Variants in TOGARAM1 observed in about 807,000 individuals in gnomAD.
The protein encoded by TOGARAM1 is TOG array regulator of axonemal microtubules 1.
In TOGARAM1, 100 loss-of-function variants were observed where a neutral mutation model predicts 166.6. The ratio of observed to expected loss-of-function variants is 0.60; its 90% CI spans 0.51 to 0.71. The LOEUF is 0.71. Ranked by LOEUF, TOGARAM1 falls within the 30% of genes least tolerant of loss-of-function variation. The probability of loss-of-function intolerance (pLI) is 0.00; values close to 1 mark genes in which losing one functional copy is unlikely to be tolerated. For missense variants in TOGARAM1, 2,029 were observed against 2,102.7 expected, an observed-to-expected ratio of 0.96 and a Z score of 0.69; for synonymous variants, 758 against 763.8, an observed-to-expected ratio of 0.99 and a Z score of 0.13.
intron 1 of TOGARAM1, among the ~76,000 whole-genome samples, chr14:44,991,890 T>C (rs1353995308): frequency 6.6e-6 from 1 of 151,660 alleles, no homozygotes; most frequent in East Asian, 1.9e-4. Flanking sequence ...ATTTTTCTTT[T>C]GATAACTTTG....
At chr14:45,032,448 T>G (rs1050258415) in intron 11 of TOGARAM1, 72 bp downstream of exon 11, 1 of 1,338,728 alleles carries the variant, frequency 7.5e-7, no homozygotes, top group Admixed American at 2.5e-5. Flanking sequence ...ATTAAAAATC[T>G]TGAAACACAT....
At chr14:44,979,293 G>T (rs1237866235) in intron 1 of TOGARAM1, among the ~76,000 whole-genome samples, 1 of 152,112 alleles carries the variant, frequency 6.6e-6, no homozygotes, top group African/African-American at 2.4e-5. Context: ...CAGTTCTGGG[G>T]ACTGGGAAAT....
chr14:45,056,292 T>C lies in TOGARAM1; in HGVS notation c.4559+1743T>C, dbSNP rs568017086. Among the ~76,000 whole-genome samples, 3 of 152,286 alleles carry C rather than the reference T, an allele frequency of 2.0e-5. No individual in the cohort carries two copies. In the East Asian group the frequency reaches 5.8e-4, roughly 29 times the overall value. On this transcript the variant is annotated intron_variant, in intron 16 of 19. Transcript: ENST00000361462. ...GTCTTTTGGTGGAGTCTTTGGGGTT[T>C]TCTAGATATAAGATCATATCATCAG...
chr14:45,045,581 ATATG>A (rs1285382718), intron 13 of TOGARAM1, among the ~76,000 whole-genome samples: 223 of 33,088 alleles, frequency 6.7e-3, no homozygotes, highest in African/African-American at 0.016. Context: ...ATATATATAT[ATATG>A]TGTGTGTGTG....
intron 7 of TOGARAM1, among the ~76,000 whole-genome samples, chr14:45,024,642 G>A (rs981455164): frequency 6.6e-5 from 10 of 152,082 alleles, no homozygotes; most frequent in Non-Finnish European, 1.3e-4. Flanking sequence ...CATTTACTGA[G>A]ATTTTTTTCT....
Position 45,066,565 on chromosome 14 carries a change from T to C in TOGARAM1, c.4560-13T>C. Reference sequence around the variant, plus strand: ...GTACAAATGAAATTACCTTCACCTTTCTTTCACTTTAGAGCTGTAACTGAA... The same window carrying C: ...GTACAAATGAAATTACCTTCACCTTCCTTTCACTTTAGAGCTGTAACTGAA... On this transcript the variant is annotated splice_polypyrimidine_tract_variant and intron_variant, in intron 16 of 19. Transcript: ENST00000361462. 1 of 1,575,760 alleles carries C rather than the reference T, an allele frequency of 6.3e-7. No individual in the cohort carries two copies. The highest frequency in any genetic ancestry group is 1.2e-5 in the South Asian group (1 of 86,950).
intron 16 of TOGARAM1, among the ~76,000 whole-genome samples, chr14:45,064,106 A>G (rs1345490305): frequency 6.6e-6 from 1 of 152,070 alleles, no homozygotes; most frequent in African/African-American, 2.4e-5. Flanking sequence ...GTTGTGGGCC[A>G]TAAATCCCTA....
At chr14:44,999,980 A>T (rs1276978931) in intron 3 of TOGARAM1, among the ~76,000 whole-genome samples, 1 of 151,848 alleles carries the variant, frequency 6.6e-6, no homozygotes, top group African/African-American at 2.4e-5. Context: ...ACTCCTTCTT[A>T]TTTTATTTTA....
intron 11 of TOGARAM1, among the ~76,000 whole-genome samples, chr14:45,035,049 A>G (rs1275910258): frequency 1.3e-5 from 2 of 152,250 alleles, no homozygotes; most frequent in Admixed American, 1.3e-4. Context: ...GATGAAAGCT[A>G]TAATGTCTGA....
At position 45,045,535 on chromosome 14, in the gene TOGARAM1, C is replaced by CTGTG. The variant is rs369196409; in HGVS notation, c.4154+671_4154+674dup. On this transcript the variant is annotated intron_variant, in intron 13 of 19. Transcript: ENST00000361462. Reference sequence around the variant, plus strand: ...TAATGGCAGAGTAGTATTCCATGGTCTGTGTGTGTATATATATATATATAT... The same window carrying CTGTG: ...TAATGGCAGAGTAGTATTCCATGGTCTGTGTGTGTGTGTATATATATATATATAT... 5.0e-3 allele frequency among the ~76,000 whole-genome samples: 145 copies of CTGTG among 29,144 alleles called. 4 individuals are homozygous for CTGTG. Among genetic ancestry groups the CTGTG allele is most frequent in the Middle Eastern group, 0.025 (1 of 40 alleles). 19.1% of individuals were successfully genotyped at this position (29,144 alleles called of 152,430 possible).
chr14:44,987,368 C>T (rs1049502184), intron 1 of TOGARAM1, among the ~76,000 whole-genome samples: 3 of 152,032 alleles, frequency 2.0e-5, no homozygotes, highest in Non-Finnish European at 1.5e-5. Context: ...TGACAAAGGG[C>T]TAATATCCAG....
chr14:44,997,451 A>G (rs901701056), intron 2 of TOGARAM1: 4 of 146,782 alleles, frequency 2.7e-5, no homozygotes, highest in African/African-American at 1.0e-4. Context: ...GATTCTGATT[A>G]TATGTCAGCG....
At chr14:44,964,610 A>G in intron 1 of TOGARAM1, 143 bp downstream of exon 1, 3 of 953,478 alleles carry the variant, frequency 3.1e-6, no homozygotes, top group East Asian at 2.7e-5. Flanking sequence ...GAATGTTGGT[A>G]CTCATTATAA....
chr14:45,019,225 C>G (rs1232828398), intron 7 of TOGARAM1, among the ~76,000 whole-genome samples: 1 of 152,164 alleles, frequency 6.6e-6, no homozygotes, highest in Non-Finnish European at 1.5e-5. Context: ...ATCATTTACT[C>G]TCAGTCTAAC....
intron 11 of TOGARAM1, among the ~76,000 whole-genome samples, chr14:45,034,932 C>T (rs936343813): frequency 6.6e-6 from 1 of 151,974 alleles, no homozygotes; most frequent in African/African-American, 2.4e-5. Flanking sequence ...AATTAGTAGA[C>T]AAAGACATTG....
At chr14:45,035,796 C>T (rs117754428) in intron 11 of TOGARAM1, among the ~76,000 whole-genome samples, 1,605 of 151,894 alleles carry the variant, frequency 0.011, 14 homozygotes, top group Non-Finnish European at 0.017. Context: ...AATTCTATAT[C>T]CAATGAAAAT....
intron 11 of TOGARAM1, among the ~76,000 whole-genome samples, chr14:45,036,403 A>C (rs369630053): frequency 2.0e-5 from 3 of 152,158 alleles, no homozygotes; most frequent in Admixed American, 2.0e-4. Flanking sequence ...ACCCAACTAT[A>C]TGCTACCTAT....
chr14:44,963,702 G>A lies in TOGARAM1; in HGVS notation c.1281G>A (p.Glu427=), dbSNP rs1235739426. Residue 427 remains glutamate (E), a synonymous_variant, in exon 1 of 20, where the codon GAG becomes GAA. Coordinates refer to ENST00000361462, the MANE Select transcript of TOGARAM1 (RefSeq NM_001308120.2). ...VLHLLVIRLG[E]QVQQFLGPVI... Reference sequence around the variant, plus strand: ...ATTTACTGGTTATTCGCCTTGGAGAGCAGGTACAGCAGTTCTTGGGACCAG... The same window carrying A: ...ATTTACTGGTTATTCGCCTTGGAGAACAGGTACAGCAGTTCTTGGGACCAG... 2 of 1,613,930 alleles carry A rather than the reference G, an allele frequency of 1.2e-6. No individual in the cohort carries two copies. Among genetic ancestry groups the A allele is most frequent in the South Asian group, 2.2e-5 (2 of 91,084 alleles).
intron 16 of TOGARAM1, 108 bp downstream of exon 16, chr14:45,054,657 A>C (rs1882545674): frequency 2.8e-6 from 2 of 709,758 alleles, no homozygotes; most frequent in Non-Finnish European, 4.8e-6. Flanking sequence ...AATTTAATGG[A>C]GTTTTAAAAG....
Sources: gnomAD v4.1 joint callset for allele counts (sites outside exome capture counted in the v4.1 genomes callset) on GRCh38, gnomAD v4.1.1 for gene constraint, MANE v1.5 for transcripts, NCBI Gene and HGNC (gene_info 2026-07-23, HGNC 2026-07-21) for gene names.